The following CHST15 variants were observed in gnomAD, a reference collection of about 807,000 sequenced individuals.
The protein encoded by CHST15 is carbohydrate sulfotransferase 15, also known as B cell RAG associated protein (GALNAC4S-6ST).
CHST15 carries 30 observed loss-of-function variants against 53.6 expected under a neutral mutation model. The observed-to-expected ratio is 0.56, with a 90% CI of 0.42 to 0.76. CHST15 has a LOEUF of 0.76. CHST15 is among the 30% of genes least tolerant of loss of function. The probability of loss-of-function intolerance (pLI) is 0.00; values close to 1 mark genes in which losing one functional copy is unlikely to be tolerated. For synonymous variants in CHST15, 296 were observed against 289.8 expected, an observed-to-expected ratio of 1.02 and a Z score of -0.22; for missense variants, 627 against 740.5, an observed-to-expected ratio of 0.85 and a Z score of 1.78.
In CHST15 at chr10:124,008,125, A is replaced by C; in HGVS notation, c.*2024T>G. The C allele has an allele frequency of 3.2e-6, 4 of 1,231,540 alleles. No homozygotes were observed. The highest frequency in any genetic ancestry group is 4.0e-6 in the Non-Finnish European group (4 of 987,882). The allele number at this position is 1,231,540 out of a possible 1,614,324, so 76.3% of individuals were successfully genotyped here. ...ATACCTTCAGTAATACTTCTGTAAG[A>C]AGCAGAATTACACCACATGTTATTC... On this transcript the variant is annotated 3_prime_UTR_variant, in exon 8 of 8. Coordinates refer to ENST00000435907, the MANE Select transcript of CHST15 (RefSeq NM_001270764.2).
At chr10:124,067,659 C>A (rs567159123) in intron 1 of CHST15, among the ~76,000 whole-genome samples, 1 of 152,338 alleles carries the variant, frequency 6.6e-6, no homozygotes, top group South Asian at 2.1e-4. Context: ...CTCTGTCACC[C>A]AGCCTGGAGT....
chr10:124,044,814 A>G lies in CHST15; in HGVS notation c.652T>C (p.Tyr218His). ...CGGAAGCGCTTGGAGTAGAGCACGT[A>G]GGAGTTGGTGAGGTAGGGGTCGGTG... ...NTTDPYLTNS[Y>H]VLYSKRFRST... Residue 218 changes from tyrosine to histidine, a missense_variant, in exon 3 of 8, where the codon TAC becomes CAC. Tyr to His is a moderately conservative substitution (Grantham distance 83). This residue lies in a region of CHST15 where 161 missense variants were observed against 117.2 expected (regional missense o/e 1.37). Coordinates refer to ENST00000435907, the MANE Select transcript of CHST15 (RefSeq NM_001270764.2). The G allele has an allele frequency of 1.9e-6, 3 of 1,592,896 alleles. No homozygotes were observed. Among genetic ancestry groups the G allele is most frequent in the East Asian group, 2.3e-5 (1 of 43,842 alleles).
intron 5 of CHST15, among the ~76,000 whole-genome samples, chr10:124,022,975 A>C (rs1292550566): frequency 6.6e-6 from 1 of 150,550 alleles, no homozygotes; most frequent in Middle Eastern, 3.4e-3. Flanking sequence ...TGCCCACCAA[A>C]CCTGGCTAAT....
intron 6 of CHST15, chr10:124,020,914 C>T: frequency 7.3e-7 from 1 of 1,376,882 alleles, no homozygotes; most frequent in Non-Finnish European, 9.3e-7. Flanking sequence ...AGAGAATGCT[C>T]TTAAGACAAT....
chr10:124,012,584 T>C (rs1564846989), intron 6 of CHST15, 104 bp from the exon 7 acceptor site: 1 of 1,299,564 alleles, frequency 7.7e-7, no homozygotes, highest in Non-Finnish European at 1.0e-6. Context: ...AAAAGAGTTA[T>C]CCTAGCAAAG....
intron 1 of CHST15, among the ~76,000 whole-genome samples, chr10:124,063,966 A>G (rs1948674590): frequency 6.6e-6 from 1 of 152,078 alleles, no homozygotes; most frequent in South Asian, 2.1e-4. Flanking sequence ...ATGATAATAA[A>G]AAAAACTTGT....
chr10:124,089,539 A>AC (rs1349693804), intron 1 of CHST15, among the ~76,000 whole-genome samples: 2 of 151,578 alleles, frequency 1.3e-5, no homozygotes, highest in Non-Finnish European at 2.9e-5. Context: ...GAGATCAGAG[A>AC]CCCCCTGACT....
chr10:124,008,586 CT>C lies in CHST15; in HGVS notation c.*1562del, dbSNP rs1458440739. ...AGCCCTCTGCACACCTTCGAACGGG[CT>C]GTGTGTCCCTTCTCTGATGGCAGAA... On this transcript the variant is annotated 3_prime_UTR_variant, in exon 8 of 8. Transcript: ENST00000435907. 1.2e-5 allele frequency: 12 copies of C among 1,020,650 alleles called. No homozygotes were observed. Among genetic ancestry groups the C allele is most frequent in the Non-Finnish European group, 8.2e-6 (7 of 849,480 alleles). 63.2% of individuals were successfully genotyped at this position (1,020,650 alleles called of 1,614,324 possible).
chr10:124,036,530 G>A lies in CHST15; in HGVS notation c.1190+1985C>T, dbSNP rs747144584. ...GACCAGGTCATACTCAGAGCAGCGG[G>A]AGCCATGCAGACTCCACAAGAGGGA... On this transcript the variant is annotated intron_variant, in intron 5 of 7. Coordinates refer to ENST00000435907, the MANE Select transcript of CHST15 (RefSeq NM_001270764.2). This position sits in a 1 kb window ranked among gnomAD's most constrained non-coding sequence, Gnocchi z 5.1. Among the ~76,000 whole-genome samples the A allele has an allele frequency of 2.6e-5, 4 of 152,058 alleles. No individual in the cohort carries two copies. Among genetic ancestry groups the A allele is most frequent in the Non-Finnish European group, 4.4e-5 (3 of 68,012 alleles).
At chr10:124,032,335 A>G (rs1310983538) in intron 5 of CHST15, among the ~76,000 whole-genome samples, 1 of 152,152 alleles carries the variant, frequency 6.6e-6, no homozygotes, top group African/African-American at 2.4e-5. Flanking sequence ...TGGGCATTGC[A>G]TTAAGACTAC....
intron 1 of CHST15, among the ~76,000 whole-genome samples, chr10:124,076,796 G>A (rs538840613): frequency 4.9e-4 from 74 of 150,398 alleles, no homozygotes; most frequent in African/African-American, 1.7e-3. Context: ...TGCAAGCTCC[G>A]CCTTCCGGGT....
At chr10:124,055,788 T>A (rs1340023770) in intron 1 of CHST15, among the ~76,000 whole-genome samples, 1 of 152,122 alleles carries the variant, frequency 6.6e-6, no homozygotes, top group East Asian at 1.9e-4. Context: ...AACGCACCCA[T>A]CCCCAAAGAT....
At chr10:124,040,514 G>A (rs1947693724) in intron 4 of CHST15, among the ~76,000 whole-genome samples, 2 of 152,206 alleles carry the variant, frequency 1.3e-5, no homozygotes, top group South Asian at 4.1e-4. Flanking sequence ...GACTCTAGCT[G>A]TCAAAAAGAC....
At chr10:124,081,433 A>C (rs61863982) in intron 1 of CHST15, among the ~76,000 whole-genome samples, 18 of 152,330 alleles carry the variant, frequency 1.2e-4, no homozygotes, top group Non-Finnish European at 2.2e-4. Context: ...ATCCCCGGAG[A>C]CTTGATGTAA....
chr10:124,028,861 C>A (rs1947110075), intron 5 of CHST15, among the ~76,000 whole-genome samples: 1 of 152,168 alleles, frequency 6.6e-6, no homozygotes, highest in Non-Finnish European at 1.5e-5. Flanking sequence ...GGCTGGCTCA[C>A]CCCGGTGACG....
chr10:124,083,286 A>G (rs1949312526), intron 1 of CHST15, among the ~76,000 whole-genome samples: 1 of 152,214 alleles, frequency 6.6e-6, no homozygotes, highest in Admixed American at 6.5e-5. Flanking sequence ...TCAACCAAAA[A>G]AACTGCTGAC....
At position 124,046,466 on chromosome 10, in the gene CHST15, C is replaced by T. The variant is rs1399716351; in HGVS notation, c.-254G>A. The T allele has an allele frequency of 2.6e-6, 1 of 391,830 alleles. No individual in the cohort carries two copies. The highest frequency in any genetic ancestry group is 4.4e-5 in the Admixed American group (1 of 22,882). 24.3% of individuals were successfully genotyped at this position (391,830 alleles called of 1,614,324 possible). On this transcript the variant is annotated 5_prime_UTR_variant, in exon 2 of 8. Coordinates refer to ENST00000435907, the MANE Select transcript of CHST15 (RefSeq NM_001270764.2). ...TCATGTTCTACAAGAGCCGCTGCAA[C>T]CTCAGAGAAGGTCACAAGTTCGGGA...
chr10:124,012,236 A>T (rs1464805310), intron 7 of CHST15, 97 bp downstream of exon 7: 7 of 1,428,268 alleles, frequency 4.9e-6, no homozygotes, highest in Non-Finnish European at 6.7e-6. Flanking sequence ...GCCCATTCCC[A>T]CCCAGCTGAC....
Position 124,007,986 on chromosome 10 carries a change from GA to G in CHST15, c.*2162del. On this transcript the variant is annotated 3_prime_UTR_variant, in exon 8 of 8. Coordinates refer to ENST00000435907, the MANE Select transcript of CHST15 (RefSeq NM_001270764.2). Reference sequence around the variant, plus strand: ...AGAGGCAGCCGAAGTGCCCTCTGGAGAGAAAGGCCCCTGGAGGGAAAAACCA... The same window carrying G: ...AGAGGCAGCCGAAGTGCCCTCTGGAGGAAAGGCCCCTGGAGGGAAAAACCA... 3 of 1,096,758 alleles carry G rather than the reference GA, an allele frequency of 2.7e-6. No individual in the cohort carries two copies. Among genetic ancestry groups the G allele is most frequent in the East Asian group, 7.5e-5 (2 of 26,584 alleles). The allele number at this position is 1,096,758 out of a possible 1,614,324, so 67.9% of individuals were successfully genotyped here.
Sources: allele counts gnomAD v4.1 joint callset (sites outside exome capture counted in the v4.1 genomes callset), GRCh38; gene constraint gnomAD v4.1.1; regional missense constraint gnomAD v4.1.1; non-coding constraint Gnocchi (gnomAD v3.1); transcripts MANE v1.5; gene names NCBI Gene and HGNC (gene_info 2026-07-23, HGNC 2026-07-21).